The following KLRD1 variants were observed in gnomAD, a reference collection of about 807,000 sequenced individuals.
KLRD1 encodes killer cell lectin like receptor D1.
Under a neutral mutation model 22.6 loss-of-function variants are expected in KLRD1, and 21 were observed. The ratio of observed to expected loss-of-function variants is 0.93; its 90% confidence interval spans 0.66 to 1.34. The LOEUF (loss-of-function observed/expected upper bound fraction) is 1.34. KLRD1 is among the 40% of genes most tolerant of loss of function. The pLI, the probability that KLRD1 is intolerant of heterozygous loss-of-function variation, is 0.00. For synonymous variants in KLRD1, 59 were observed against 71.1 expected (o/e 0.83, Z 0.85); for missense variants, 183 against 208.6 (o/e 0.88, Z 0.76).
intron 1 of KLRD1, among the ~76,000 whole-genome samples, chr12:10,246,157 A>T (rs1949288853): frequency 6.6e-6 from 1 of 152,110 alleles, no homozygotes; most frequent in Admixed American, 6.6e-5. Context: ...TTAATTGTAT[A>T]TTGCTCCCTC....
At chr12:10,313,046 A>G (rs1418344923) in intron 4 of KLRD1, among the ~76,000 whole-genome samples, 1 of 151,982 alleles carries the variant, frequency 6.6e-6, no homozygotes, top group East Asian at 1.9e-4. Flanking sequence ...ACCTTTGCGG[A>G]TTATAGGTTG....
At chr12:10,248,500 T>A (rs1949313306) in intron 1 of KLRD1, among the ~76,000 whole-genome samples, 1 of 152,070 alleles carries the variant, frequency 6.6e-6, no homozygotes, top group Non-Finnish European at 1.5e-5. Context: ...TTTTATTGTG[T>A]GAAATCAGTT....
At chr12:10,309,239 A>G (rs1317420116) in intron 1 of KLRD1, 149 bp from the exon 2 acceptor site, 6 of 557,844 alleles carry the variant, frequency 1.1e-5, no homozygotes, top group Non-Finnish European at 1.9e-5. Context: ...TGAAGTCCCG[A>G]TTGGAAAGTC....
At chr12:10,240,859 T>C (rs1015873084) in intron 1 of KLRD1, among the ~76,000 whole-genome samples, 3 of 152,248 alleles carry the variant, frequency 2.0e-5, no homozygotes, top group African/African-American at 7.2e-5. Context: ...GTTTTTGCTA[T>C]TGTTTTTGTT....
chr12:10,280,968 G>T (rs1395597739), intron 1 of KLRD1, among the ~76,000 whole-genome samples: 1 of 152,178 alleles, frequency 6.6e-6, no homozygotes, highest in African/African-American at 2.4e-5. Context: ...AGATTCTATA[G>T]TAGGCTGAAT....
At position 10,326,291 on chromosome 12, in the gene KLRD1, T is replaced by A. The variant is rs552459591; in HGVS notation, c.*11498T>A. On this transcript the variant is annotated 3_prime_UTR_variant, in exon 6 of 6. Transcript: ENST00000336164. ...TTCATTCCATTGGTTATTTCCTTTG[T>A]GAACCCTGAAAATTTGAGACAGGTC... 2 of 152,334 alleles carry A rather than the reference T, an allele frequency of 1.3e-5. No homozygotes were observed. The highest frequency in any genetic ancestry group is 4.1e-4 in the South Asian group (2 of 4,828). The allele number at this position is 152,334 out of a possible 1,614,324, so 9.4% of individuals were successfully genotyped here.
intron 5 of KLRD1, among the ~76,000 whole-genome samples, chr12:10,314,145 A>G (rs559771184): frequency 6.6e-6 from 1 of 152,310 alleles, no homozygotes; most frequent in African/African-American, 2.4e-5. Flanking sequence ...ATGTGCATGT[A>G]CAGATACTCA....
intron 1 of KLRD1, among the ~76,000 whole-genome samples, chr12:10,239,392 G>A (rs1187504766): frequency 1.3e-5 from 2 of 150,720 alleles, no homozygotes; most frequent in East Asian, 3.9e-4. Context: ...TACCAATTTG[G>A]CAGCAGCATT....
chr12:10,309,505 A>C, intron 2 of KLRD1, 25 bp downstream of exon 2: 1 of 1,355,014 alleles, frequency 7.4e-7, no homozygotes, highest in Non-Finnish European at 1.1e-6. Context: ...GCAAGTCTCC[A>C]TAAAAATCAA....
intron 1 of KLRD1, among the ~76,000 whole-genome samples, chr12:10,256,814 G>A (rs1268780949): frequency 2.0e-5 from 3 of 152,006 alleles, no homozygotes; most frequent in East Asian, 1.9e-4. Context: ...TTCATATGAT[G>A]ATGATGAATT....
chr12:10,267,994 G>A (rs1020146522), intron 1 of KLRD1, among the ~76,000 whole-genome samples: 3 of 152,174 alleles, frequency 2.0e-5, no homozygotes, highest in Admixed American at 6.5e-5. Flanking sequence ...CCATGTTCAG[G>A]CTTTTAAAAT....
chr12:10,283,970 G>A (rs1949672054), intron 1 of KLRD1, among the ~76,000 whole-genome samples: 1 of 148,608 alleles, frequency 6.7e-6, no homozygotes, highest in Non-Finnish European at 1.5e-5. Context: ...GAGGTCAGGA[G>A]TTCAAGACCA....
rs78731554 is a variant in KLRD1, at chr12:10,281,572, G to T, written c.-100-26406G>T. Among the ~76,000 whole-genome samples the T allele has an allele frequency of 3.9e-3, 595 of 152,198 alleles. 19 individuals carry two copies. In the East Asian group the frequency reaches 0.068, roughly 17 times the overall value. The stretch of plus-strand genomic sequence containing the variant: ...AGTTGTAGTTGCAGGGCTCCGCAGG[G>T]ATGTATCCAAGAACCCCCTGAGATT... On this transcript the variant is annotated intron_variant, in intron 1 of 5. Coordinates refer to the KLRD1 transcript ENST00000544747.
At position 10,315,107 on chromosome 12, in the gene KLRD1, C is replaced by A. The variant is rs1950193412; in HGVS notation, c.*314C>A. The A allele has an allele frequency of 4.0e-6, 1 of 249,322 alleles. No homozygotes were observed. The highest frequency in any genetic ancestry group is 7.7e-6 in the Non-Finnish European group (1 of 129,670). 15.4% of individuals were successfully genotyped at this position (249,322 alleles called of 1,614,324 possible). A position where few individuals can be genotyped will look rare whatever the true frequency, so the allele number is the denominator to read the frequency against. ...TATTTACATTCTTGCTAATTCTCAG[C>A]AGAAATTTAAATAAGATTTAATTCA... On this transcript the variant is annotated 3_prime_UTR_variant, in exon 6 of 6. Coordinates refer to ENST00000336164, the MANE Select transcript of KLRD1 (RefSeq NM_002262.5).
chr12:10,243,507 A>G (rs1333748816), intron 1 of KLRD1, among the ~76,000 whole-genome samples: 2 of 145,868 alleles, frequency 1.4e-5, no homozygotes, highest in Admixed American at 7.2e-5. Context: ...CCAGCTACTC[A>G]GGAGGCTGAG....
chr12:10,298,166 A>G (rs959714296), intron 1 of KLRD1, among the ~76,000 whole-genome samples: 2 of 152,208 alleles, frequency 1.3e-5, no homozygotes, highest in Admixed American at 6.5e-5. Flanking sequence ...AGCACACAAC[A>G]TGCCAAGAGT....
At chr12:10,300,294 T>A (rs983536168), upstream of KLRD1, among the ~76,000 whole-genome samples, 3 of 152,204 alleles carry the variant, frequency 2.0e-5, no homozygotes, top group Non-Finnish European at 2.9e-5. Flanking sequence ...GACTTAAAAG[T>A]TGAAATGACT....
At chr12:10,248,040 C>T (rs1018083944) in intron 1 of KLRD1, among the ~76,000 whole-genome samples, 7 of 152,160 alleles carry the variant, frequency 4.6e-5, no homozygotes, top group African/African-American at 1.4e-4. Context: ...CTTACAGTCA[C>T]TGCTGGCCAG....
At chr12:10,245,807 C>T (rs1949285266) in intron 1 of KLRD1, among the ~76,000 whole-genome samples, 1 of 151,976 alleles carries the variant, frequency 6.6e-6, no homozygotes, top group Admixed American at 6.6e-5. Context: ...GTTTTATTTC[C>T]CTTAAGAAAC....
Sources: gnomAD v4.1 joint callset for allele counts (sites outside exome capture counted in the v4.1 genomes callset) on GRCh38, gnomAD v4.1.1 for gene constraint, MANE v1.5 for transcripts, NCBI Gene and HGNC (gene_info 2026-07-23, HGNC 2026-07-21) for gene names.